Variants in TACC3 observed in about 807,000 individuals in gnomAD.
TACC3 encodes transforming acidic coiled-coil containing protein 3.
TACC3 carries 52 observed loss-of-function variants against 86.0 expected under a neutral mutation model. The ratio of observed to expected loss-of-function variants is 0.60; its 90% confidence interval spans 0.48 to 0.76. TACC3 has a LOEUF of 0.76. TACC3 is among the 30% of genes least tolerant of loss of function. The pLI is 0.00. For missense variants in TACC3, 1,120 were observed against 1,070.4 expected, an observed-to-expected ratio of 1.05 and a Z score of -0.65; for synonymous variants, 512 against 430.0, an observed-to-expected ratio of 1.19 and a Z score of -2.36.
chr4:1,737,680 G>T lies in TACC3; in HGVS notation c.1919G>T (p.Ser640Ile). ...CCTATAGTGGACCTGCTCCAGTACA[G>T]CCAGAAGGACCTGGATGCAGTGGTA... The part of the protein sequence containing the change: ...TGPIVDLLQY[S>I]QKDLDAVVKA... Residue 640 changes from serine to isoleucine, a missense_variant, in exon 10 of 16, where the codon AGC becomes ATC. By Grantham distance (142) the Ser-to-Ile change is moderately radical. Coordinates refer to ENST00000313288, the MANE Select transcript of TACC3 (RefSeq NM_006342.3). 1 of 1,551,060 alleles carries T rather than the reference G, an allele frequency of 6.4e-7. No individual in the cohort carries two copies. Among genetic ancestry groups the T allele is most frequent in the Non-Finnish European group, 8.7e-7 (1 of 1,146,914 alleles).
intron 12 of TACC3, chr4:1,740,290 G>A (rs1262538846): frequency 3.1e-5 from 17 of 548,090 alleles, no homozygotes; most frequent in Admixed American, 6.6e-5. Flanking sequence ...CTGTCCCGCC[G>A]TGGCCTACCC....
chr4:1,739,742 G>A lies in TACC3; in HGVS notation c.1982G>A (p.Arg661Lys). ...TQEENRELRS[R>K]CEELHGKNLE... is the part of the protein sequence containing the mutation. ...GAGGAGAACCGGGAGCTGAGGAGCA[G>A]GTGTGAGGAGCTCCACGGGAAGAAC... Residue 661 changes from arginine to lysine, a missense_variant, in exon 11 of 16, where the codon AGG (arginine) becomes AAG (lysine). Transcript: ENST00000313288. The A allele has an allele frequency of 2.5e-6, 4 of 1,588,302 alleles. No individual in the cohort carries two copies. The highest frequency in any genetic ancestry group is 3.5e-4 in the Middle Eastern group (2 of 5,702).
At chr4:1,726,011 C>T (rs1338921831) in intron 3 of TACC3, among the ~76,000 whole-genome samples, 2 of 152,242 alleles carry the variant, frequency 1.3e-5, no homozygotes, top group African/African-American at 4.8e-5. Flanking sequence ...ACATGGGCCC[C>T]TTATCTGAGG....
Position 1,745,128 on chromosome 4 carries a change from T to G in TACC3, c.*115T>G. The G allele has an allele frequency of 9.0e-7, 1 of 1,116,358 alleles. No individual in the cohort carries two copies. 69.2% of individuals were successfully genotyped at this position (1,116,358 alleles called of 1,614,324 possible). A position where few individuals can be genotyped will look rare whatever the true frequency, so the allele number is the denominator to read the frequency against. On this transcript the variant is annotated 3_prime_UTR_variant, in exon 16 of 16. Transcript: ENST00000313288. ...TCTTCAACTTTTTTAAAAACTAGATTGCTTTGAAAACATGACTCAATAAAA... is the reference window on the plus strand; with the variant it reads ...TCTTCAACTTTTTTAAAAACTAGATGGCTTTGAAAACATGACTCAATAAAA...
At position 1,744,760 on chromosome 4, in the gene TACC3, G is replaced by T. The variant is rs148572882; in HGVS notation, c.2379G>T (p.Ala793=). ...AQVRSKAQAE[A]LALQASLRKE... ...TCCGGAGCAAGGCCCAGGCGGAAGCGTTGGCCCTCCAGGCCAGCCTGAGGA... is the reference window on the plus strand; with the variant it reads ...TCCGGAGCAAGGCCCAGGCGGAAGCTTTGGCCCTCCAGGCCAGCCTGAGGA... The change falls in exon 15 of 16, where the codon GCG becomes GCT. Residue 793 remains alanine, a synonymous_variant. Coordinates refer to ENST00000313288, the MANE Select transcript of TACC3 (RefSeq NM_006342.3). 3 of 1,612,702 alleles carry T rather than the reference G, an allele frequency of 1.9e-6. No individual in the cohort carries two copies. Among genetic ancestry groups the T allele is most frequent in the East Asian group, 2.2e-5 (1 of 44,870 alleles).
chr4:1,728,857 C>G (rs1057496891), intron 4 of TACC3, 70 bp downstream of exon 4: 2 of 1,450,694 alleles, frequency 1.4e-6, no homozygotes, highest in Admixed American at 4.3e-5. Context: ...GTCCAGGACC[C>G]GAGGCCAGAA....
In TACC3 at chr4:1,731,154, C is replaced by G. The variant is rs186850888; in HGVS notation, c.1462-18C>G. 6.2e-7 allele frequency: 1 copy of G among 1,613,068 alleles called. No homozygotes were observed. The highest frequency in any genetic ancestry group is 8.5e-7 in the Non-Finnish European group (1 of 1,179,882). ...ACCTTGACTGCACTGCACAGGGTGACTCTGCCCTTTCCTCCAGGAGAGAGC... is the reference window on the plus strand; with the variant it reads ...ACCTTGACTGCACTGCACAGGGTGAGTCTGCCCTTTCCTCCAGGAGAGAGC... On this transcript the variant is annotated intron_variant, in intron 5 of 15. Transcript: ENST00000313288.
At chr4:1,736,422 CAAAAA>C (rs1164866581) in intron 8 of TACC3, among the ~76,000 whole-genome samples, 3 of 65,826 alleles carry the variant, frequency 4.6e-5, no homozygotes, top group African/African-American at 2.0e-4. Flanking sequence ...GACTCCATCT[CAAAAA>C]AAAAAAAAAA....
Position 1,739,992 on chromosome 4 carries a change from C to T in TACC3, c.2052C>T (p.Tyr684=). ...KIMDRFEEVV[Y]QAMEEVQKQK... ...TGGACAGGTTCGAAGAGGTTGTGTA[C>T]CAGGCCATGGGTGAGTGCCCGGGCC... Residue 684 remains tyrosine (Y), a synonymous_variant, in exon 12 of 16, where the codon TAC becomes TAT. Transcript: ENST00000313288. 2 of 1,613,070 alleles carry T rather than the reference C, an allele frequency of 1.2e-6. No individual in the cohort carries two copies. The highest frequency in any genetic ancestry group is 1.3e-5 in the African/African-American group (1 of 75,060).
At chr4:1,740,136 A>C in intron 12 of TACC3, 134 bp downstream of exon 12, 2 of 821,186 alleles carry the variant, frequency 2.4e-6, no homozygotes, top group Non-Finnish European at 3.9e-6. Context: ...TCCCTTCAAC[A>C]TGGGCCCGGC....
chr4:1,744,377 T>A (rs1454394619), intron 13 of TACC3, 141 bp from the exon 14 acceptor site: 5 of 745,654 alleles, frequency 6.7e-6, no homozygotes, highest in Non-Finnish European at 1.1e-5. Context: ...GAAGGGGCTT[T>A]TTCCAAAAGG....
intron 12 of TACC3, 62 bp downstream of exon 12, chr4:1,740,064 G>A (rs1560322732): frequency 6.4e-7 from 1 of 1,561,900 alleles, no homozygotes; most frequent in Non-Finnish European, 8.8e-7. Flanking sequence ...CCCCACCCTG[G>A]CCCTGCCCTG....
At chr4:1,726,398 C>G (rs953462602) in intron 3 of TACC3, among the ~76,000 whole-genome samples, 1 of 152,184 alleles carries the variant, frequency 6.6e-6, no homozygotes, top group Admixed American at 6.5e-5. Flanking sequence ...AAAGCAGATT[C>G]ATGCAGAAAA....
chr4:1,740,604 C>A, intron 12 of TACC3: 1 of 495,266 alleles, frequency 2.0e-6, no homozygotes. Context: ...GCCCAGGCTC[C>A]AGTTCCCTGC....
At chr4:1,723,706 T>C in intron 2 of TACC3, 22 bp from the exon 3 acceptor site, 4 of 1,613,422 alleles carry the variant, frequency 2.5e-6, no homozygotes, top group Non-Finnish European at 3.4e-6. Context: ...GAATAGGTGC[T>C]CTCCTCCTCA....
chr4:1,726,090 C>G (rs1027707167), intron 3 of TACC3, among the ~76,000 whole-genome samples: 5 of 152,212 alleles, frequency 3.3e-5, no homozygotes, highest in African/African-American at 1.2e-4. Flanking sequence ...AGTGTTTGTG[C>G]CCTCTGTGTT....
At chr4:1,743,413 C>T (rs1350563961) in intron 13 of TACC3, among the ~76,000 whole-genome samples, 2 of 151,946 alleles carry the variant, frequency 1.3e-5, no homozygotes, top group East Asian at 3.9e-4. Flanking sequence ...ATTAGCCGGG[C>T]ATGGTGGCAC....
chr4:1,739,572 C>A, intron 10 of TACC3, 130 bp from the exon 11 acceptor site: 1 of 832,236 alleles, frequency 1.2e-6, no homozygotes, highest in African/African-American at 1.7e-5. Flanking sequence ...CACTGGAAGC[C>A]CCACATGGAA....
chr4:1,733,884 G>A (rs561942272), intron 6 of TACC3, among the ~76,000 whole-genome samples: 5 of 151,876 alleles, frequency 3.3e-5, no homozygotes, highest in East Asian at 1.9e-4. Flanking sequence ...AGGCTGAGGC[G>A]GGAGAATCGC....
Sources: gnomAD v4.1 joint callset for allele counts (sites outside exome capture counted in the v4.1 genomes callset) on GRCh38, gnomAD v4.1.1 for gene constraint, MANE v1.5 for transcripts, NCBI Gene and HGNC (gene_info 2026-07-23, HGNC 2026-07-21) for gene names.